SEMA5A: variants seen among roughly 807,000 people sequenced by gnomAD.
SEMA5A encodes semaphorin-5A.
Under a neutral mutation model 135.5 loss-of-function variants are expected in SEMA5A, and 55 were observed. The observed-to-expected ratio is 0.41, with a 90% CI of 0.33 to 0.51. SEMA5A has a LOEUF of 0.51. Among genes scored for constraint, SEMA5A ranks in the 20% least tolerant of loss-of-function variants. SEMA5A has a pLI of 0.37. For missense variants in SEMA5A, 1,290 were observed against 1,419.9 expected (o/e 0.91, Z 1.47); for synonymous variants, 580 against 546.5 (o/e 1.06, Z -0.85).
chr5:9,045,062 G>T (rs548177105), intron 21 of SEMA5A, among the ~76,000 whole-genome samples: 7 of 152,272 alleles, frequency 4.6e-5, no homozygotes, highest in Non-Finnish European at 8.8e-5. Context: ...TGGGATTACA[G>T]GTGTGAGCCA....
intron 5 of SEMA5A, among the ~76,000 whole-genome samples, chr5:9,243,019 C>G (rs1215475611): frequency 6.6e-6 from 1 of 152,204 alleles, no homozygotes; most frequent in Non-Finnish European, 1.5e-5. Context: ...TGATAAGGAA[C>G]TGCAGAGTGG....
chr5:9,145,759 C>T (rs546631135), intron 12 of SEMA5A, among the ~76,000 whole-genome samples: 28 of 150,944 alleles, frequency 1.9e-4, no homozygotes, highest in Non-Finnish European at 3.0e-4. Context: ...CTGCCTCAGC[C>T]TCCCGAGTAG....
chr5:9,270,844 T>C (rs377123137), intron 5 of SEMA5A, among the ~76,000 whole-genome samples: 5 of 152,236 alleles, frequency 3.3e-5, no homozygotes, highest in African/African-American at 1.2e-4. Context: ...ACTTCTCCAA[T>C]GTACATCAGA....
chr5:9,434,574 A>G (rs1757967302), intron 2 of SEMA5A, among the ~76,000 whole-genome samples: 1 of 152,146 alleles, frequency 6.6e-6, no homozygotes, highest in South Asian at 2.1e-4. Flanking sequence ...ACTTTATAAT[A>G]CACATGAACT....
At chr5:9,139,897 G>T (rs896825411) in intron 12 of SEMA5A, among the ~76,000 whole-genome samples, 1 of 152,046 alleles carries the variant, frequency 6.6e-6, no homozygotes, top group Admixed American at 6.6e-5. Flanking sequence ...TTCTTCTAAG[G>T]TATCATTTTT....
intron 1 of SEMA5A, among the ~76,000 whole-genome samples, chr5:9,509,557 G>A (rs1271277479): frequency 6.6e-6 from 1 of 152,126 alleles, no homozygotes; most frequent in African/African-American, 2.4e-5. Context: ...TTACAGGCAT[G>A]AGCCACCATG....
intron 5 of SEMA5A, among the ~76,000 whole-genome samples, chr5:9,247,688 T>C (rs1236001087): frequency 6.6e-6 from 1 of 152,172 alleles, no homozygotes; most frequent in East Asian, 1.9e-4. Context: ...TGATCTATTT[T>C]CCAGATCTCA....
intron 18 of SEMA5A, among the ~76,000 whole-genome samples, chr5:9,059,201 G>A (rs1290486737): frequency 1.3e-5 from 2 of 150,646 alleles, no homozygotes; most frequent in Non-Finnish European, 3.0e-5. Flanking sequence ...AAGTTTTAGG[G>A]TACATGTGCC....
intron 1 of SEMA5A, among the ~76,000 whole-genome samples, chr5:9,533,314 T>C (rs1365291998): frequency 6.6e-6 from 1 of 152,318 alleles, no homozygotes; most frequent in African/African-American, 2.4e-5. Context: ...CTTGCTCCTC[T>C]GGAATGCAGG....
chr5:9,062,820 G>A, intron 18 of SEMA5A, 67 bp downstream of exon 18: 1 of 1,535,986 alleles, frequency 6.5e-7, no homozygotes. Flanking sequence ...GTGAGGCCTG[G>A]TAAATTAGAA....
At chr5:9,103,816 T>C (rs757714276) in intron 16 of SEMA5A, among the ~76,000 whole-genome samples, 1 of 152,226 alleles carries the variant, frequency 6.6e-6, no homozygotes, top group South Asian at 2.1e-4. Flanking sequence ...CTTCCTTTCA[T>C]GTGTTGTAAT....
intron 1 of SEMA5A, among the ~76,000 whole-genome samples, chr5:9,445,100 G>T (rs1758382231): frequency 6.6e-6 from 1 of 152,066 alleles, no homozygotes; most frequent in Admixed American, 6.6e-5. Flanking sequence ...CAAATAAATG[G>T]CCTTACTTTC....
At chr5:9,168,189 G>A (rs1169622546) in intron 11 of SEMA5A, among the ~76,000 whole-genome samples, 3 of 152,112 alleles carry the variant, frequency 2.0e-5, no homozygotes, top group Non-Finnish European at 2.9e-5. Context: ...TGGTTCCCAA[G>A]CTTTATGACT....
chr5:9,274,551 C>G lies in SEMA5A; in HGVS notation c.271-36661G>C, dbSNP rs148521166. On this transcript the variant is annotated intron_variant, in intron 5 of 22. Transcript: ENST00000382496. ...ACATTATTTTCAGCACCATATCACA[C>G]TTATTCTAAAATTGACCACGTAAGT... Among the ~76,000 whole-genome samples the G allele has an allele frequency of 5.8e-3, 882 of 152,294 alleles. 8 individuals carry two copies. The highest frequency in any genetic ancestry group is 0.02 in the African/African-American group (818 of 41,570).
intron 11 of SEMA5A, among the ~76,000 whole-genome samples, chr5:9,187,029 C>G (rs930085064): frequency 2.0e-5 from 3 of 152,058 alleles, no homozygotes; most frequent in Non-Finnish European, 4.4e-5. Context: ...GATGTAACTA[C>G]TGGGGCTAGT....
At position 9,197,447 on chromosome 5, in the gene SEMA5A, G is replaced by C. The variant is rs1745456854; in HGVS notation, c.933-144C>G. 3.0e-6 allele frequency: 3 copies of C among 994,766 alleles called. No homozygotes were observed. In the South Asian group the frequency reaches 5.0e-5, roughly 17 times the overall value. The allele number at this position is 994,766 out of a possible 1,614,324, so 61.6% of individuals were successfully genotyped here. A position where few individuals can be genotyped will look rare whatever the true frequency, so the allele number is the denominator to read the frequency against. On this transcript the variant is annotated intron_variant, in intron 9 of 22. Coordinates refer to ENST00000382496, the MANE Select transcript of SEMA5A (RefSeq NM_003966.3). Reference sequence around the variant, plus strand: ...CTCTTAAAGATCCCAAAAGGATGAAGTCAGAGCGTGAATGGGGCTCCCCTG... The same window carrying C: ...CTCTTAAAGATCCCAAAAGGATGAACTCAGAGCGTGAATGGGGCTCCCCTG...
chr5:9,132,064 G>C (rs1741466474), intron 13 of SEMA5A, among the ~76,000 whole-genome samples: 1 of 152,134 alleles, frequency 6.6e-6, no homozygotes, highest in Middle Eastern at 3.2e-3. Flanking sequence ...CTTAAACTGA[G>C]AGTAATGTTT....
intron 5 of SEMA5A, among the ~76,000 whole-genome samples, chr5:9,311,833 G>A (rs1242178444): frequency 6.6e-6 from 1 of 152,110 alleles, no homozygotes; most frequent in Non-Finnish European, 1.5e-5. Context: ...TGATCATGTA[G>A]TCAGAGAGAT....
chr5:9,201,833 TAGCC>T, intron 9 of SEMA5A, 118 bp downstream of exon 9: 1 of 934,568 alleles, frequency 1.1e-6, no homozygotes, highest in Non-Finnish European at 1.6e-6. Flanking sequence ...TTTTGTCTGT[TAGCC>T]CAGTAAATTA....
Sources: allele counts gnomAD v4.1 joint callset (sites outside exome capture counted in the v4.1 genomes callset), GRCh38; gene constraint gnomAD v4.1.1; transcripts MANE v1.5; gene names NCBI Gene and HGNC (gene_info 2026-07-23, HGNC 2026-07-21).